The following TTLL1 variants were observed in gnomAD, a reference collection of about 807,000 sequenced individuals.
TTLL1 encodes polyglutamylase complex subunit TTLL1.
A neutral mutation model predicts 47.8 loss-of-function variants in TTLL1; 33 were observed. That is an observed-to-expected ratio of 0.69 (90% CI 0.52 to 0.92). The LOEUF (loss-of-function observed/expected upper bound fraction) is 0.92. TTLL1 is among the 40% of genes least tolerant of loss of function. The probability of loss-of-function intolerance (pLI) is 0.00; values close to 1 mark genes in which losing one functional copy is unlikely to be tolerated. For missense variants in TTLL1, 488 were observed against 547.5 expected (o/e 0.89, Z 1.08); for synonymous variants, 225 against 214.1 (o/e 1.05, Z -0.45).
intron 8 of TTLL1, among the ~76,000 whole-genome samples, chr22:43,054,496 C>A (rs1926865127): frequency 6.6e-6 from 1 of 150,434 alleles, no homozygotes; most frequent in East Asian, 1.9e-4. Flanking sequence ...ACGGTCTCGG[C>A]TGACTGCAAA....
At chr22:43,080,227 G>C (rs1182435004) in intron 1 of TTLL1, among the ~76,000 whole-genome samples, 1 of 151,856 alleles carries the variant, frequency 6.6e-6, no homozygotes, top group Admixed American at 6.6e-5. Flanking sequence ...GTTAATTTTT[G>C]TATTTTTTGT....
At chr22:43,056,659 C>T (rs1435851274) in intron 8 of TTLL1, among the ~76,000 whole-genome samples, 1 of 151,646 alleles carries the variant, frequency 6.6e-6, no homozygotes, top group African/African-American at 2.4e-5. Context: ...GTGACGCGCA[C>T]CTGTAGTCCC....
intron 10 of TTLL1, among the ~76,000 whole-genome samples, chr22:43,045,470 A>ATTTTTTT (rs57003421): frequency 3.8e-4 from 41 of 107,982 alleles, no homozygotes; most frequent in Middle Eastern, 5.6e-3. Flanking sequence ...TATTATACCC[A>ATTTTTTT]TTTTTTTTTT....
chr22:43,070,441 G>C (rs1928043535), intron 3 of TTLL1, among the ~76,000 whole-genome samples: 1 of 152,100 alleles, frequency 6.6e-6, no homozygotes, highest in Non-Finnish European at 1.5e-5. Flanking sequence ...AAGGGGTACG[G>C]AGGAAGGGCT....
At chr22:43,078,427 C>G (rs1928650106) in intron 2 of TTLL1, among the ~76,000 whole-genome samples, 1 of 151,972 alleles carries the variant, frequency 6.6e-6, no homozygotes, top group African/African-American at 2.4e-5. Context: ...ACCCGAGAGG[C>G]GGAGGTCACA....
chr22:43,067,107 C>T (rs999540022), intron 5 of TTLL1, among the ~76,000 whole-genome samples: 7 of 152,188 alleles, frequency 4.6e-5, no homozygotes, highest in African/African-American at 7.2e-5. Context: ...AGCTTTGCCC[C>T]GGTGGGCCCC....
Position 43,064,243 on chromosome 22 carries a change from G to T in TTLL1, c.585C>A (p.Phe195Leu), listed in dbSNP as rs767062843. The T allele has an allele frequency of 2.5e-6, 4 of 1,614,056 alleles. No homozygotes were observed. Among genetic ancestry groups the T allele is most frequent in the Non-Finnish European group, 3.4e-6 (4 of 1,180,038 alleles). Residue 195 changes from phenylalanine to leucine, a missense_variant, in exon 6 of 11, where the codon TTC becomes TTA. Phe to Leu is a conservative substitution (Grantham distance 22). Coordinates refer to ENST00000266254, the MANE Select transcript of TTLL1 (RefSeq NM_012263.5). ...ACACCAGAACGTACAAGCGCAGGTCGAACTTCCTCCCGCCAATTAGTAACG... is the reference window on the plus strand; with the variant it reads ...ACACCAGAACGTACAAGCGCAGGTCTAACTTCCTCCCGCCAATTAGTAACG... The part of the protein sequence containing the change: ...NNPLLIGGRK[F>L]DLRLYVLVST...
rs575629922 is a variant in TTLL1, at chr22:43,088,248, C to T, written c.-90+1029G>A. 2.6e-4 allele frequency among the ~76,000 whole-genome samples: 39 copies of T among 151,726 alleles called. 1 individual carries two copies. The South Asian group carries it at 8.0e-3, about 31-fold the overall frequency. On this transcript the variant is annotated intron_variant, in intron 1 of 10. Transcript: ENST00000266254. ...TATTGTCACTGTCCATCTCCACGCC[C>T]GCACTGGGTGACAGTACCATGCTCC...
Position 43,089,343 on chromosome 22 carries a change from G to C in TTLL1, c.-156C>G, listed in dbSNP as rs1437824319. The C allele has an allele frequency of 6.6e-6, 1 of 152,410 alleles. No homozygotes were observed. The highest frequency in any genetic ancestry group is 1.5e-5 in the Non-Finnish European group (1 of 68,290). 9.4% of individuals were successfully genotyped at this position (152,410 alleles called of 1,614,324 possible). On this transcript the variant is annotated 5_prime_UTR_variant, in exon 1 of 11. Transcript: ENST00000266254. ...CAGGGATGCCTCGAGCCGCGCCCTC[G>C]CCCCGCCTCCAGCCCCTCTCCGGCG...
chr22:43,069,773 A>G lies in TTLL1; in HGVS notation c.185T>C (p.Val62Ala). The change falls in exon 4 of 11, where the codon GTC (valine) becomes GCC (alanine). Residue 62 changes from valine to alanine, a missense_variant. Physicochemically the swap from Val to Ala is moderately conservative, Grantham distance 64. Transcript: ENST00000266254. ...AGYRLSDDQI[V>A]NHFPNHYELT... ...TTCATAGTGGTTTGGAAAATGGTTGACTATTTGGTCATCTGAGAGCCGATA... is the reference window on the plus strand; with the variant it reads ...TTCATAGTGGTTTGGAAAATGGTTGGCTATTTGGTCATCTGAGAGCCGATA... The G allele has an allele frequency of 3.1e-6, 5 of 1,614,158 alleles. No homozygotes were observed. The highest frequency in any genetic ancestry group is 4.2e-6 in the Non-Finnish European group (5 of 1,180,032).
chr22:43,059,428 C>G lies in TTLL1; in HGVS notation c.847G>C (p.Asp283His), dbSNP rs746847301. ...TGCACGATGATCCAGTGGATCTCGT[C>G]GAACAGCTTGCTGGTCACCTCCTTG... ...RGKEVTSKLF[D>H]EIHWIIVQSL... Residue 283 changes from aspartate to histidine, a missense_variant, in exon 8 of 11, where the codon GAC becomes CAC. Coordinates refer to ENST00000266254, the MANE Select transcript of TTLL1 (RefSeq NM_012263.5). 1.9e-5 allele frequency: 31 copies of G among 1,613,960 alleles called. No homozygotes were observed. Among genetic ancestry groups the G allele is most frequent in the Non-Finnish European group, 2.5e-5 (29 of 1,179,992 alleles).
At chr22:43,069,975 G>C in intron 3 of TTLL1, 131 bp from the exon 4 acceptor site, 2 of 1,407,652 alleles carry the variant, frequency 1.4e-6, no homozygotes, top group Non-Finnish European at 1.9e-6. Flanking sequence ...TGGCACCTGA[G>C]CCAGGGGTTG....
intron 8 of TTLL1, among the ~76,000 whole-genome samples, chr22:43,054,487 C>T (rs868539076): frequency 2.7e-5 from 4 of 150,390 alleles, no homozygotes; most frequent in African/African-American, 7.4e-5. Context: ...TACAATGGCA[C>T]GGTCTCGGCT....
chr22:43,042,535 G>A (rs1925767619), intron 10 of TTLL1, among the ~76,000 whole-genome samples: 1 of 152,254 alleles, frequency 6.6e-6, no homozygotes, highest in Non-Finnish European at 1.5e-5. Context: ...GATGCAAAGT[G>A]CCAGGCCTTG....
At position 43,069,767 on chromosome 22, in the gene TTLL1, T is replaced by C; in HGVS notation, c.191A>G (p.His64Arg). 1.9e-6 allele frequency: 3 copies of C among 1,614,216 alleles called. No homozygotes were observed. The highest frequency in any genetic ancestry group is 2.5e-6 in the Non-Finnish European group (3 of 1,180,046). The change falls in exon 4 of 11, where the codon CAT becomes CGT. Residue 64 changes from histidine to arginine, a missense_variant. By Grantham distance (29) the His-to-Arg change is conservative. Transcript: ENST00000266254. ...GGTCAGTTCATAGTGGTTTGGAAAATGGTTGACTATTTGGTCATCTGAGAG... is the reference window on the plus strand; with the variant it reads ...GGTCAGTTCATAGTGGTTTGGAAAACGGTTGACTATTTGGTCATCTGAGAG... The part of the protein sequence containing the change: ...YRLSDDQIVN[H>R]FPNHYELTRK...
chr22:43,056,369 A>T (rs1347005539), intron 8 of TTLL1, among the ~76,000 whole-genome samples: 2 of 147,298 alleles, frequency 1.4e-5, no homozygotes, highest in Non-Finnish European at 1.5e-5. Context: ...AAAAAAAAAA[A>T]TTGAAAAAAA....
At chr22:43,061,115 G>A (rs539048658) in intron 7 of TTLL1, among the ~76,000 whole-genome samples, 6 of 152,236 alleles carry the variant, frequency 3.9e-5, no homozygotes, top group South Asian at 4.1e-4. Flanking sequence ...GCTTGAACCC[G>A]GAAGGCAGAG....
At chr22:43,085,461 G>T (rs1033152175) in intron 1 of TTLL1, among the ~76,000 whole-genome samples, 1 of 152,218 alleles carries the variant, frequency 6.6e-6, no homozygotes, top group Admixed American at 6.5e-5. Flanking sequence ...GCAAGGTGGA[G>T]ATAAACGAAT....
intron 1 of TTLL1, among the ~76,000 whole-genome samples, chr22:43,083,793 C>T (rs992448049): frequency 6.6e-6 from 1 of 152,128 alleles, no homozygotes; most frequent in Non-Finnish European, 1.5e-5. Context: ...ATCAAACTGG[C>T]TTAGGCTAAT....
Sources: gnomAD v4.1 joint callset for allele counts (sites outside exome capture counted in the v4.1 genomes callset) on GRCh38, gnomAD v4.1.1 for gene constraint, MANE v1.5 for transcripts, NCBI Gene and HGNC (gene_info 2026-07-23, HGNC 2026-07-21) for gene names.